NAF1: variants seen among roughly 807,000 people sequenced by gnomAD.
NAF1 encodes H/ACA ribonucleoprotein complex non-core subunit NAF1.
Under a neutral mutation model 40.6 loss-of-function variants are expected in NAF1, and 11 were observed. The observed-to-expected ratio is 0.27, with a 90% confidence interval of 0.17 to 0.45. The LOEUF (loss-of-function observed/expected upper bound fraction) is 0.45. Ranked by LOEUF, NAF1 falls within the 20% of genes least tolerant of loss-of-function variation. The pLI, the probability that NAF1 is intolerant of heterozygous loss-of-function variation, is 1.00. For missense variants in NAF1, 607 were observed against 611.1 expected (o/e 0.99, Z 0.07); for synonymous variants, 260 against 228.5 (o/e 1.14, Z -1.24).
At chr4:163,108,974 C>T (rs1730093788), downstream of NAF1, 1 of 152,076 alleles carries the variant, frequency 6.6e-6, no homozygotes. Flanking sequence ...TGAAATTAGG[C>T]TTAGGAAGAC....
At position 163,164,200 on chromosome 4, in the gene NAF1, T is replaced by A; in HGVS notation, c.540+17A>T. Reference sequence around the variant, plus strand: ...TTTAAAACATGCAAACTAAGCTTAATAAATCTAAGTACTTACATTAAGAAG... The same window carrying A: ...TTTAAAACATGCAAACTAAGCTTAAAAAATCTAAGTACTTACATTAAGAAG... On this transcript the variant is annotated intron_variant, in intron 2 of 7. Coordinates refer to ENST00000274054, the MANE Select transcript of NAF1 (RefSeq NM_138386.3). 2.0e-6 allele frequency: 3 copies of A among 1,503,100 alleles called. No homozygotes were observed. The highest frequency in any genetic ancestry group is 2.7e-6 in the Non-Finnish European group (3 of 1,126,936). The allele number at this position is 1,503,100 out of a possible 1,614,324, so 93.1% of individuals were successfully genotyped here. A position where few individuals can be genotyped will look rare whatever the true frequency, so the allele number is the denominator to read the frequency against.
chr4:163,137,500 G>A (rs1731106440), intron 5 of NAF1, among the ~76,000 whole-genome samples: 1 of 152,130 alleles, frequency 6.6e-6, no homozygotes, highest in African/African-American at 2.4e-5. Context: ...GTGTGCAGTG[G>A]AAAGCAGATG....
At chr4:163,161,986 G>C (rs1380563367) in intron 2 of NAF1, among the ~76,000 whole-genome samples, 1 of 151,828 alleles carries the variant, frequency 6.6e-6, no homozygotes, top group Non-Finnish European at 1.5e-5. Flanking sequence ...TCCTACACAT[G>C]CTCTCCTCAC....
chr4:163,153,418 G>A lies in NAF1; in HGVS notation c.541-4984C>T, dbSNP rs1011346221. ...CTCAAGGTTTGTAAGTGCACCAATC[G>A]ACACTCTGTATCTAGCTGCTCTGGT... On this transcript the variant is annotated intron_variant, in intron 2 of 7. Transcript: ENST00000274054. Among the ~76,000 whole-genome samples, 8 of 152,310 alleles carry A rather than the reference G, an allele frequency of 5.3e-5. No homozygotes were observed. The East Asian group carries it at 9.7e-4, about 18-fold the overall frequency.
Position 163,166,678 on chromosome 4 carries a change from T to C in NAF1, c.50A>G (p.Asn17Ser), listed in dbSNP as rs113104155. Residue 17 changes from asparagine to serine, a missense_variant, in exon 1 of 8, where the codon AAT becomes AGT. By Grantham distance (46) the Asn-to-Ser change is conservative (BLOSUM62 1). Transcript: ENST00000274054. ...TTCCCCAACTCCAAAGTCGGTGCCA[T>C]TGAATTTCAGAGTTTCCAGCTGAGC... ...AAAQLETLKF[N>S]GTDFGVGEGP... 8.7e-6 allele frequency: 14 copies of C among 1,613,742 alleles called. No individual in the cohort carries two copies. Among genetic ancestry groups the C allele is most frequent in the African/African-American group, 6.7e-5 (5 of 75,036 alleles).
At position 163,133,661 on chromosome 4, in the gene NAF1, T is replaced by G. The variant is rs144973997; in HGVS notation, c.931-405A>C. 2.9e-3 allele frequency: 454 copies of G among 158,316 alleles called. 1 individual carries two copies. The highest frequency in any genetic ancestry group is 9.8e-3 in the African/African-American group (408 of 41,648). 9.8% of individuals were successfully genotyped at this position (158,316 alleles called of 1,614,324 possible). A position where few individuals can be genotyped will look rare whatever the true frequency, so the allele number is the denominator to read the frequency against. On this transcript the variant is annotated intron_variant, in intron 6 of 7. Coordinates refer to ENST00000274054, the MANE Select transcript of NAF1 (RefSeq NM_138386.3). Reference sequence around the variant, plus strand: ...TTCAAAATACACACCCAAGCACTGTTCTAAACATTTCACAGGTTCATTCTT... The same window carrying G: ...TTCAAAATACACACCCAAGCACTGTGCTAAACATTTCACAGGTTCATTCTT...
At position 163,129,188 on chromosome 4, in the gene NAF1, T is replaced by G. The variant is rs1341782378; in HGVS notation, c.1194A>C (p.Ser398=). The change falls in exon 8 of 8, where the codon TCA becomes TCC. Residue 398 remains serine (S), a synonymous_variant. Coordinates refer to ENST00000274054, the MANE Select transcript of NAF1 (RefSeq NM_138386.3). ...GRPPPQHFYN[S]EHMVSQETSG... is the part of the protein sequence containing the mutation. ...AAGTCTCCTGAGATACCATATGTTC[T>G]GAGTTATAGAAATGCTGAGGTGGAG... The G allele has an allele frequency of 6.2e-7, 1 of 1,613,856 alleles. No individual in the cohort carries two copies. Among genetic ancestry groups the G allele is most frequent in the Non-Finnish European group, 8.5e-7 (1 of 1,179,844 alleles).
intron 4 of NAF1, chr4:163,144,072 C>T: frequency 3.2e-6 from 3 of 934,304 alleles, no homozygotes; most frequent in Non-Finnish European, 3.8e-6. Context: ...CCAAACAAGA[C>T]AGTAATATAA....
At chr4:163,159,724 C>A in intron 2 of NAF1, among the ~76,000 whole-genome samples, 1 of 152,110 alleles carries the variant, frequency 6.6e-6, no homozygotes, top group Non-Finnish European at 1.5e-5. Context: ...ATAAAATAAG[C>A]AGTCACCAAA....
chr4:163,112,973 T>C (rs1392959926), intron 2 of NAF1, among the ~76,000 whole-genome samples: 4 of 152,190 alleles, frequency 2.6e-5, no homozygotes, highest in Non-Finnish European at 4.4e-5. Flanking sequence ...AGCATGAGTG[T>C]TGGGTTTTCT....
At chr4:163,133,032 G>A (rs1730928029) in intron 7 of NAF1, 122 bp downstream of exon 7, 3 of 783,642 alleles carry the variant, frequency 3.8e-6, no homozygotes, top group Non-Finnish European at 6.0e-6. Context: ...GGCTCTAAAT[G>A]TTAGCAGGAT....
chr4:163,109,925 A>T (rs1333754719), downstream of NAF1: 1 of 249,770 alleles, frequency 4.0e-6, no homozygotes, highest in Admixed American at 5.1e-5. Flanking sequence ...ATAATTAGTT[A>T]ACACGGAATG....
chr4:163,104,740 G>A, the NAF1 span, among the ~76,000 whole-genome samples: 1 of 152,226 alleles, frequency 6.6e-6, no homozygotes, highest in Non-Finnish European at 1.5e-5. Context: ...AGTAACAGCA[G>A]AGCAAGAGGT....
At chr4:163,163,079 A>C (rs1164469133) in intron 2 of NAF1, among the ~76,000 whole-genome samples, 1 of 152,218 alleles carries the variant, frequency 6.6e-6, no homozygotes. Context: ...TATTCTAATA[A>C]GGAAATTATG....
chr4:163,123,701 T>C (rs1730576962), downstream of NAF1, among the ~76,000 whole-genome samples: 1 of 152,162 alleles, frequency 6.6e-6, no homozygotes, highest in Non-Finnish European at 1.5e-5. Flanking sequence ...CTCACCTTAA[T>C]AAAACAAATA....
chr4:163,114,015 T>A (rs1730248028), intron 2 of NAF1, among the ~76,000 whole-genome samples: 1 of 152,064 alleles, frequency 6.6e-6, no homozygotes, highest in Admixed American at 6.5e-5. Context: ...CCACTACAAA[T>A]ATCATGTGAA....
chr4:163,150,798 T>C (rs1020615412), intron 2 of NAF1, among the ~76,000 whole-genome samples: 2 of 152,158 alleles, frequency 1.3e-5, no homozygotes, highest in South Asian at 2.1e-4. Context: ...GTGGTCCTGA[T>C]AGACTAAAAC....
downstream of NAF1, among the ~76,000 whole-genome samples, chr4:163,109,116 A>T (rs1730096656): frequency 6.6e-6 from 1 of 151,632 alleles, no homozygotes; most frequent in African/African-American, 2.4e-5. Context: ...CTTTTTATTA[A>T]ATCATCTCCA....
chr4:163,108,198 G>A (rs951309750), downstream of NAF1, among the ~76,000 whole-genome samples: 5 of 152,140 alleles, frequency 3.3e-5, no homozygotes, highest in Non-Finnish European at 7.4e-5. Flanking sequence ...GACCTTAAAA[G>A]ATCTTATGTC....
Sources: gnomAD v4.1 joint callset for allele counts (sites outside exome capture counted in the v4.1 genomes callset) on GRCh38, gnomAD v4.1.1 for gene constraint, MANE v1.5 for transcripts, NCBI Gene and HGNC (gene_info 2026-07-23, HGNC 2026-07-21) for gene names.